SCAPER: variants seen among roughly 807,000 people sequenced by gnomAD.
SCAPER encodes S phase cyclin A-associated protein in the endoplasmic reticulum.
A neutral mutation model predicts 182.2 loss-of-function variants in SCAPER; 98 were observed. That is an observed-to-expected ratio of 0.54 (90% CI 0.46 to 0.64). The LOEUF is 0.64. SCAPER is among the 30% of genes least tolerant of loss of function. The pLI is 0.00. For synonymous variants in SCAPER, 605 were observed against 564.6 expected (o/e 1.07, Z -1.01); for missense variants, 1,432 against 1,690.0 (o/e 0.85, Z 2.68).
chr15:76,499,151 T>C (rs889453755), intron 24 of SCAPER, among the ~76,000 whole-genome samples: 3 of 152,142 alleles, frequency 2.0e-5, no homozygotes, highest in Admixed American at 2.0e-4. Context: ...CACAGATACA[T>C]GACATTCAAA....
At chr15:76,412,083 A>G (rs760307282) in intron 26 of SCAPER, among the ~76,000 whole-genome samples, 1 of 152,188 alleles carries the variant, frequency 6.6e-6, no homozygotes, top group Non-Finnish European at 1.5e-5. Context: ...GTATATAACA[A>G]GAGGTTACTT....
At chr15:76,357,218 G>A (rs2041048177) in intron 29 of SCAPER, among the ~76,000 whole-genome samples, 1 of 142,388 alleles carries the variant, frequency 7.0e-6, no homozygotes, top group South Asian at 2.3e-4. Flanking sequence ...ACCTCGCTTA[G>A]GTGAATAAGC....
intron 24 of SCAPER, among the ~76,000 whole-genome samples, chr15:76,474,120 CT>C (rs1393161348): frequency 6.6e-6 from 1 of 152,094 alleles, no homozygotes; most frequent in African/African-American, 2.4e-5. Context: ...ACCTGCAGAT[CT>C]TTAAAAATAT....
intron 20 of SCAPER, among the ~76,000 whole-genome samples, chr15:76,699,721 C>T (rs62028177): frequency 0.067 from 10,222 of 152,230 alleles, 380 homozygotes; most frequent in Middle Eastern, 0.11. Context: ...GTTCCTGGTC[C>T]GCTGGCAACA....
intron 20 of SCAPER, among the ~76,000 whole-genome samples, chr15:76,681,627 T>C (rs2057707741): frequency 1.3e-5 from 2 of 152,094 alleles, no homozygotes; most frequent in African/African-American, 4.8e-5. Flanking sequence ...GGCATGGGGA[T>C]ACTGAGAACC....
chr15:76,820,575 A>T (rs1239625423), intron 5 of SCAPER, among the ~76,000 whole-genome samples: 1 of 119,838 alleles, frequency 8.3e-6, no homozygotes, highest in Non-Finnish European at 1.6e-5. Context: ...AACATCACAC[A>T]CTGGGGACTG....
intron 5 of SCAPER, among the ~76,000 whole-genome samples, chr15:76,805,590 C>T (rs1598832481): frequency 1.4e-5 from 2 of 144,304 alleles, no homozygotes; most frequent in Admixed American, 7.0e-5. Flanking sequence ...GACGGAGTCT[C>T]GCTCTGTCAC....
chr15:76,431,004 T>A (rs780832098), intron 26 of SCAPER, among the ~76,000 whole-genome samples: 7 of 152,126 alleles, frequency 4.6e-5, no homozygotes, highest in Admixed American at 1.3e-4. Flanking sequence ...AAAGATCTGA[T>A]GGTTTTACAA....
At position 76,445,083 on chromosome 15, in the gene SCAPER, G is replaced by A. The variant is rs113908503; in HGVS notation, c.3079-10773C>T. ...TGGGATTTTTGTGCACCTGTCACCC[G>A]AATAGTGTACACTGTACCCATTTCA... On this transcript the variant is annotated intron_variant, in intron 25 of 31. Transcript: ENST00000563290. Among the ~76,000 whole-genome samples the A allele has an allele frequency of 4.5e-3, 679 of 152,182 alleles. 7 individuals are homozygous for A. Among genetic ancestry groups the A allele is most frequent in the African/African-American group, 0.016 (646 of 41,516 alleles).
intron 1 of SCAPER, among the ~76,000 whole-genome samples, chr15:76,891,154 T>C (rs2074141532): frequency 1.3e-5 from 2 of 152,202 alleles, no homozygotes; most frequent in African/African-American, 4.8e-5. Context: ...AAACTAGGTA[T>C]TGATGGAACA....
intron 22 of SCAPER, among the ~76,000 whole-genome samples, chr15:76,609,916 G>A (rs2468118): frequency 0.99 from 150,396 of 152,254 alleles, 74,303 homozygotes; most frequent in Middle Eastern, 1. Flanking sequence ...TGGCTAATGA[G>A]CATAAGAGTT....
At chr15:76,409,407 G>T (rs2142197193) in intron 26 of SCAPER, among the ~76,000 whole-genome samples, 1 of 152,148 alleles carries the variant, frequency 6.6e-6, no homozygotes, top group East Asian at 1.9e-4. Context: ...CTCTCCATTT[G>T]CTTTGCCATT....
intron 29 of SCAPER, among the ~76,000 whole-genome samples, chr15:76,370,957 C>T (rs1214300495): frequency 6.6e-6 from 1 of 152,186 alleles, no homozygotes. Flanking sequence ...CCCGCATCAT[C>T]TTCTACACCC....
At chr15:76,802,237 A>G (rs758887056) in intron 6 of SCAPER, among the ~76,000 whole-genome samples, 39 of 152,330 alleles carry the variant, frequency 2.6e-4, no homozygotes, top group Non-Finnish European at 4.7e-4. Flanking sequence ...GGGGGAGACT[A>G]GAATCAGGGC....
At chr15:76,895,912 C>A (rs146818324) in intron 1 of SCAPER, among the ~76,000 whole-genome samples, 19 of 151,714 alleles carry the variant, frequency 1.3e-4, no homozygotes, top group African/African-American at 4.6e-4. Flanking sequence ...TGGTGGCAGG[C>A]GACTGTAGTC....
intron 21 of SCAPER, among the ~76,000 whole-genome samples, chr15:76,626,373 C>A (rs2052573496): frequency 6.6e-6 from 1 of 152,088 alleles, no homozygotes; most frequent in Non-Finnish European, 1.5e-5. Flanking sequence ...TGAGAATATT[C>A]AAGAAACTTA....
chr15:76,443,716 T>C (rs1449367019), intron 25 of SCAPER, among the ~76,000 whole-genome samples: 1 of 152,202 alleles, frequency 6.6e-6, no homozygotes, highest in Non-Finnish European at 1.5e-5. Context: ...ACTTTCCACT[T>C]GATGAGTGCC....
intron 2 of SCAPER, among the ~76,000 whole-genome samples, chr15:76,875,977 T>A (rs1331674612): frequency 6.6e-6 from 1 of 152,060 alleles, no homozygotes; most frequent in African/African-American, 2.4e-5. Context: ...CCTGCCCCGC[T>A]GGGAGGCAGC....
intron 2 of SCAPER, among the ~76,000 whole-genome samples, chr15:76,869,043 G>A (rs1012817062): frequency 7.2e-5 from 11 of 152,104 alleles, no homozygotes; most frequent in African/African-American, 2.7e-4. Context: ...AAATGGTGCT[G>A]GGAAAACTGG....
Sources: gnomAD v4.1 joint callset for allele counts (sites outside exome capture counted in the v4.1 genomes callset) on GRCh38, gnomAD v4.1.1 for gene constraint, MANE v1.5 for transcripts, NCBI Gene and HGNC (gene_info 2026-07-23, HGNC 2026-07-21) for gene names.